The following SLC24A2 variants were observed in gnomAD, a reference collection of about 807,000 sequenced individuals.
The protein encoded by SLC24A2 is solute carrier family 24 member 2.
SLC24A2 carries 36 observed loss-of-function variants against 62.0 expected under a neutral mutation model. That is an observed-to-expected ratio of 0.58 (90% CI 0.44 to 0.77). The LOEUF (loss-of-function observed/expected upper bound fraction) is 0.77, where lower values mean the gene tolerates loss of function less well. Ranked by LOEUF, SLC24A2 falls within the 30% of genes least tolerant of loss-of-function variation. The pLI is 0.00. For synonymous variants in SLC24A2, 358 were observed against 294.0 expected, an observed-to-expected ratio of 1.22 and a Z score of -2.23; for missense variants, 846 against 817.9, an observed-to-expected ratio of 1.03 and a Z score of -0.42.
chr9:19,516,176 G>C lies in SLC24A2; in HGVS notation c.1963C>G (p.Leu655Val). ...VVSVLLEDRI[L>V]TCPVSI ...TGCTAGATGGAGACGGGGCATGTAA[G>C]AATTCTGTCTTCTAGGAGAACGCTC... is the stretch of plus-strand genomic sequence containing the variant. Residue 655 changes from leucine (L) to valine (V), a missense_variant, in exon 11 of 11, where the codon CTT becomes GTT. Leu to Val is a conservative substitution (Grantham distance 32). Transcript: ENST00000341998. The C allele has an allele frequency of 1.2e-6, 2 of 1,614,166 alleles. No individual in the cohort carries two copies. Among genetic ancestry groups the C allele is most frequent in the South Asian group, 1.1e-5 (1 of 91,068 alleles).
intron 2 of SLC24A2, among the ~76,000 whole-genome samples, chr9:19,720,622 G>A (rs1186597832): frequency 6.6e-6 from 1 of 151,540 alleles, no homozygotes; most frequent in East Asian, 1.9e-4. Flanking sequence ...CAATGCTGGA[G>A]TCTTGGAGTC....
At chr9:19,719,891 C>T (rs1206488292) in intron 2 of SLC24A2, among the ~76,000 whole-genome samples, 1 of 152,156 alleles carries the variant, frequency 6.6e-6, no homozygotes, top group African/African-American at 2.4e-5. Flanking sequence ...AAAATATATA[C>T]ATACATTGTT....
the SLC24A2 span, among the ~76,000 whole-genome samples, chr9:20,248,843 C>T: frequency 6.6e-6 from 1 of 152,164 alleles, no homozygotes; most frequent in Non-Finnish European, 1.5e-5. Context: ...ACATGGCAGA[C>T]CTCCTACAGG....
chr9:20,303,847 TG>T, the SLC24A2 span, among the ~76,000 whole-genome samples: 1 of 152,192 alleles, frequency 6.6e-6, no homozygotes, highest in African/African-American at 2.4e-5. Context: ...GCATCTTATC[TG>T]AAGCTAACAT....
chr9:20,007,900 T>C, the SLC24A2 span, among the ~76,000 whole-genome samples: 630 of 119,850 alleles, frequency 5.3e-3, 50 homozygotes, highest in South Asian at 0.14. Context: ...TTTTTTTTTT[T>C]TTTTTTTTTT....
chr9:19,565,475 C>T (rs991457429), intron 7 of SLC24A2, among the ~76,000 whole-genome samples: 1 of 151,052 alleles, frequency 6.6e-6, no homozygotes, highest in Admixed American at 6.6e-5. Flanking sequence ...AGGATACAAA[C>T]AAATGGAAGA....
chr9:19,602,758 C>T (rs902448038), intron 4 of SLC24A2, among the ~76,000 whole-genome samples: 1 of 152,182 alleles, frequency 6.6e-6, no homozygotes, highest in African/African-American at 2.4e-5. Context: ...CATTTAGCTA[C>T]TCTGAACTTC....
chr9:19,966,251 G>A, the SLC24A2 span, among the ~76,000 whole-genome samples: 7 of 152,228 alleles, frequency 4.6e-5, no homozygotes, highest in South Asian at 6.2e-4. Context: ...TGTGTCTAGC[G>A]TGGTATTTCT....
chr9:19,815,959 CT>C, the SLC24A2 span, among the ~76,000 whole-genome samples: 1,635 of 103,396 alleles, frequency 0.016, 30 homozygotes, highest in African/African-American at 0.051. Context: ...TTTTTTGCCC[CT>C]TTTTTTTTTT....
At chr9:19,555,986 T>A (rs4977558) in intron 7 of SLC24A2, among the ~76,000 whole-genome samples, 112,753 of 152,078 alleles carry the variant, frequency 0.74, 43,335 homozygotes, top group East Asian at 1. Context: ...TTATTCTAAG[T>A]GACAACTGGT....
the SLC24A2 span, among the ~76,000 whole-genome samples, chr9:19,904,011 C>A: frequency 6.6e-6 from 1 of 152,184 alleles, no homozygotes; most frequent in African/African-American, 2.4e-5. Context: ...CAGTACATCA[C>A]CTCAGCAGGT....
At chr9:19,784,994 T>C (rs1222048839) in intron 2 of SLC24A2, among the ~76,000 whole-genome samples, 1 of 152,236 alleles carries the variant, frequency 6.6e-6, no homozygotes, top group Non-Finnish European at 1.5e-5. Context: ...TATGAGAATT[T>C]TCCCAGATGC....
the SLC24A2 span, among the ~76,000 whole-genome samples, chr9:20,192,438 G>C: frequency 6.6e-6 from 1 of 152,148 alleles, no homozygotes; most frequent in Admixed American, 6.5e-5. Flanking sequence ...TGGGGAGAGA[G>C]GTGACTACAG....
the SLC24A2 span, among the ~76,000 whole-genome samples, chr9:19,874,401 A>G: frequency 6.6e-6 from 1 of 152,164 alleles, no homozygotes; most frequent in South Asian, 2.1e-4. Context: ...CTTATTTTTC[A>G]TCTAAATATA....
chr9:20,071,453 G>A, the SLC24A2 span, among the ~76,000 whole-genome samples: 2 of 152,194 alleles, frequency 1.3e-5, no homozygotes, highest in African/African-American at 4.8e-5. Flanking sequence ...TTGAGCTCGG[G>A]ATGGAGGAAA....
Position 19,626,401 on chromosome 9 carries a change from C to T in SLC24A2, c.931-4102G>A, listed in dbSNP as rs184217214. On this transcript the variant is annotated intron_variant, in intron 2 of 10. Transcript: ENST00000341998. ...CATGAAGACTTCATAGGACAAAAGA[C>T]AAGTGTGTAACTAAGGGATTTTTTT... Among the ~76,000 whole-genome samples, 796 of 152,260 alleles carry T rather than the reference C, an allele frequency of 5.2e-3. 3 individuals carry two copies. The highest frequency in any genetic ancestry group is 0.01 in the Middle Eastern group (3 of 294).
At chr9:19,622,192 C>A in intron 3 of SLC24A2, 69 bp downstream of exon 3, 2 of 1,347,874 alleles carry the variant, frequency 1.5e-6, no homozygotes, top group South Asian at 1.2e-5. Flanking sequence ...AAACCCGTCT[C>A]ACTCCCACCC....
chr9:19,697,945 AAT>A (rs1264848642), intron 2 of SLC24A2, among the ~76,000 whole-genome samples: 1 of 152,150 alleles, frequency 6.6e-6, no homozygotes, highest in East Asian at 1.9e-4. Flanking sequence ...AATATATGTA[AAT>A]ATATATTAAG....
At chr9:19,657,217 C>T (rs1449421861) in intron 2 of SLC24A2, among the ~76,000 whole-genome samples, 2 of 152,102 alleles carry the variant, frequency 1.3e-5, no homozygotes, top group Non-Finnish European at 1.5e-5. Flanking sequence ...TTGAGTGCTA[C>T]GCTTTAGGTG....
Sources: allele counts gnomAD v4.1 joint callset (sites outside exome capture counted in the v4.1 genomes callset), GRCh38; gene constraint gnomAD v4.1.1; transcripts MANE v1.5; gene names NCBI Gene and HGNC (gene_info 2026-07-23, HGNC 2026-07-21).